Variants in CLN8 observed in about 807,000 individuals in gnomAD.
CLN8 encodes the protein protein CLN8.
Under a neutral mutation model 15.7 loss-of-function variants are expected in CLN8, and 14 were observed. The observed-to-expected ratio is 0.89, with a 90% CI of 0.59 to 1.39. The LOEUF (loss-of-function observed/expected upper bound fraction) is 1.39, where lower values mean the gene tolerates loss of function less well. Among genes scored for constraint, CLN8 ranks in the 40% most tolerant of loss-of-function variants. The probability of loss-of-function intolerance (pLI) is 0.00; values close to 1 mark genes in which losing one functional copy is unlikely to be tolerated. For missense variants in CLN8, 415 were observed against 364.0 expected, an observed-to-expected ratio of 1.14 and a Z score of -1.14; for synonymous variants, 188 against 151.0, an observed-to-expected ratio of 1.25 and a Z score of -1.80.
Position 1,780,955 on chromosome 8 carries a change from C to G in CLN8, c.*388C>G, listed in dbSNP as rs745844068. Reference sequence around the variant, plus strand: ...AGCGTTGACTCTTTCCAGCTGCACACTCATATGCCGTGTGTCTTATTCAGA... The same window carrying G: ...AGCGTTGACTCTTTCCAGCTGCACAGTCATATGCCGTGTGTCTTATTCAGA... On this transcript the variant is annotated 3_prime_UTR_variant, in exon 3 of 3. Transcript: ENST00000331222. The G allele has an allele frequency of 1.1e-4, 31 of 274,602 alleles. No homozygotes were observed. Among genetic ancestry groups the G allele is most frequent in the Non-Finnish European group, 1.2e-4 (17 of 143,868 alleles). 17.0% of individuals were successfully genotyped at this position (274,602 alleles called of 1,614,324 possible).
chr8:1,757,616 T>C (rs1800702245), intron 1 of CLN8, among the ~76,000 whole-genome samples: 1 of 152,154 alleles, frequency 6.6e-6, no homozygotes, highest in Non-Finnish European at 1.5e-5. Context: ...AATTTTTGTA[T>C]TTTTAGTAGA....
rs116553418 is a variant in CLN8, at chr8:1,775,853, A to G, written c.543+4256A>G. Among the ~76,000 whole-genome samples the G allele has an allele frequency of 4.9e-3, 742 of 152,358 alleles. 9 individuals are homozygous for G. Among genetic ancestry groups the G allele is most frequent in the African/African-American group, 0.017 (712 of 41,586 alleles). The stretch of plus-strand genomic sequence containing the variant: ...ATACTGTACGCTCTCTTGAGGAGCA[A>G]TGAGCACTCTTGCAGGCCCTGTGCC... On this transcript the variant is annotated intron_variant, in intron 2 of 2. Coordinates refer to ENST00000331222, the MANE Select transcript of CLN8 (RefSeq NM_018941.4).
intron 2 of CLN8, among the ~76,000 whole-genome samples, chr8:1,774,353 ATTAAT>A (rs1383586586): frequency 6.6e-6 from 1 of 152,256 alleles, no homozygotes; most frequent in African/African-American, 2.4e-5. Flanking sequence ...TATAACCTAA[ATTAAT>A]ATAGCTCAGG....
intron 1 of CLN8, among the ~76,000 whole-genome samples, chr8:1,766,990 A>G (rs1801088413): frequency 6.6e-6 from 1 of 152,242 alleles, no homozygotes; most frequent in Non-Finnish European, 1.5e-5. Context: ...AGCTGTTCTC[A>G]GTACAACGCT....
intron 2 of CLN8, among the ~76,000 whole-genome samples, chr8:1,772,198 A>C (rs113243095): frequency 0.071 from 10,854 of 152,150 alleles, 465 homozygotes; most frequent in Non-Finnish European, 0.1. Flanking sequence ...GGCCTCCCAA[A>C]GTGCTGGAAT....
At chr8:1,760,899 C>T (rs551310343), upstream of CLN8, among the ~76,000 whole-genome samples, 11 of 151,754 alleles carry the variant, frequency 7.2e-5, 1 homozygote, top group East Asian at 1.5e-3. Context: ...AGCCAAGCTA[C>T]GTGTAAGTGC....
intron 1 of CLN8, among the ~76,000 whole-genome samples, 153 bp from the exon 2 acceptor site, chr8:1,770,779 G>C (rs1801266458): frequency 6.6e-6 from 1 of 152,130 alleles, no homozygotes; most frequent in Non-Finnish European, 1.5e-5. Context: ...TACTGTCAGT[G>C]GATGTTACCT....
intron 1 of CLN8, among the ~76,000 whole-genome samples, chr8:1,757,430 G>A (rs986210752): frequency 6.6e-6 from 1 of 152,120 alleles, no homozygotes; most frequent in African/African-American, 2.4e-5. Context: ...TCTTGTCAAG[G>A]CACTTTTTTT....
At chr8:1,766,090 C>T (rs2068918946) in intron 1 of CLN8, among the ~76,000 whole-genome samples, 1 of 152,194 alleles carries the variant, frequency 6.6e-6, no homozygotes, top group South Asian at 2.1e-4. Context: ...GGTCACACTG[C>T]AGCAACAGAG....
At chr8:1,756,654 T>A (rs972524513) in intron 1 of CLN8, among the ~76,000 whole-genome samples, 7 of 150,992 alleles carry the variant, frequency 4.6e-5, no homozygotes, top group Non-Finnish European at 8.9e-5. Context: ...TGATTATACC[T>A]CTCTCTAGGT....
intron 1 of CLN8, among the ~76,000 whole-genome samples, chr8:1,765,661 T>C (rs1721361286): frequency 6.6e-6 from 1 of 152,220 alleles, no homozygotes; most frequent in Non-Finnish European, 1.5e-5. Context: ...TAGGATTTTC[T>C]TAGTGAGTGG....
intron 2 of CLN8, among the ~76,000 whole-genome samples, chr8:1,775,499 T>G (rs768557991): frequency 6.6e-6 from 1 of 152,252 alleles, no homozygotes; most frequent in Non-Finnish European, 1.5e-5. Flanking sequence ...AAAATTTTAG[T>G]GCCTTAGTAA....
At chr8:1,754,387 C>T (rs1033697672), upstream of CLN8, among the ~76,000 whole-genome samples, 7 of 152,212 alleles carry the variant, frequency 4.6e-5, no homozygotes, top group Non-Finnish European at 4.4e-5. Flanking sequence ...AATTACTTTC[C>T]AGTCTTATGT....
chr8:1,770,806 C>A, intron 1 of CLN8, 126 bp from the exon 2 acceptor site: 2 of 589,486 alleles, frequency 3.4e-6, no homozygotes, highest in Non-Finnish European at 6.0e-6. Context: ...GTTTATGCAC[C>A]CTTGTAAGTT....
At chr8:1,753,958 G>A (rs1349230641), upstream of CLN8, among the ~76,000 whole-genome samples, 1 of 152,120 alleles carries the variant, frequency 6.6e-6, no homozygotes, top group East Asian at 1.9e-4. Flanking sequence ...ATCAAGGAGG[G>A]GGATTCAGGT....
intron 2 of CLN8, among the ~76,000 whole-genome samples, chr8:1,778,383 C>G (rs1462470801): frequency 6.6e-6 from 1 of 152,250 alleles, no homozygotes; most frequent in South Asian, 2.1e-4. Context: ...TGTCACTTAA[C>G]CATCCGGAAC....
intron 1 of CLN8, among the ~76,000 whole-genome samples, chr8:1,756,773 C>G (rs555591611): frequency 4.7e-4 from 71 of 150,840 alleles, no homozygotes; most frequent in South Asian, 3.3e-3. Flanking sequence ...ACCTCTGCCT[C>G]CCGGGTTCAA....
chr8:1,775,674 G>A (rs1380237547), intron 2 of CLN8, among the ~76,000 whole-genome samples: 1 of 152,226 alleles, frequency 6.6e-6, no homozygotes, highest in Non-Finnish European at 1.5e-5. Flanking sequence ...AGTGAATAAA[G>A]ACTGAGCTCG....
At position 1,780,408 on chromosome 8, in the gene CLN8, C is replaced by T. The variant is rs1264323379; in HGVS notation, c.702C>T (p.Phe234=). The T allele has an allele frequency of 1.2e-6, 2 of 1,614,210 alleles. No individual in the cohort carries two copies. The highest frequency in any genetic ancestry group is 4.5e-5 in the East Asian group (2 of 44,884). ...SSLYLPHLTL[F]LVGLALLTLI... Reference sequence around the variant, plus strand: ...TGTATCTGCCTCATTTGACACTGTTCCTTGTCGGACTGGCTCTGCTTACGC... The same window carrying T: ...TGTATCTGCCTCATTTGACACTGTTTCTTGTCGGACTGGCTCTGCTTACGC... Residue 234 remains phenylalanine, a synonymous_variant, in exon 3 of 3, where the codon TTC becomes TTT. Coordinates refer to ENST00000331222, the MANE Select transcript of CLN8 (RefSeq NM_018941.4).
Sources: gnomAD v4.1 joint callset for allele counts (sites outside exome capture counted in the v4.1 genomes callset) on GRCh38, gnomAD v4.1.1 for gene constraint, MANE v1.5 for transcripts, NCBI Gene and HGNC (gene_info 2026-07-23, HGNC 2026-07-21) for gene names.